DCT: variants seen among roughly 807,000 people sequenced by gnomAD.
DCT encodes the protein dopachrome tautomerase, also known as L-dopachrome tautomerase.
In DCT, 47 loss-of-function variants were observed where a neutral mutation model predicts 53.0. That is an observed-to-expected ratio of 0.89 (90% CI 0.70 to 1.13). The LOEUF (loss-of-function observed/expected upper bound fraction) is 1.13. Ranked by LOEUF, DCT falls within the 50% of genes most tolerant of loss-of-function variation. DCT has a pLI of 0.00. For synonymous variants in DCT, 244 were observed against 237.0 expected, an observed-to-expected ratio of 1.03 and a Z score of -0.27; for missense variants, 669 against 637.4, an observed-to-expected ratio of 1.05 and a Z score of -0.53.
intron 3 of DCT, 46 bp downstream of exon 3, chr13:94,466,512 A>T: frequency 7.8e-7 from 1 of 1,289,698 alleles, no homozygotes; most frequent in East Asian, 2.5e-5. Flanking sequence ...ATATACAATA[A>T]ATTTTTTAAA....
chr13:94,440,291 A>G (rs1310612728), intron 7 of DCT, among the ~76,000 whole-genome samples: 1 of 152,218 alleles, frequency 6.6e-6, no homozygotes, highest in African/African-American at 2.4e-5. Flanking sequence ...CATTACTTAA[A>G]TACAGCTTAT....
intron 1 of DCT, among the ~76,000 whole-genome samples, chr13:94,476,727 G>T (rs1221326999): frequency 6.6e-6 from 1 of 152,126 alleles, no homozygotes; most frequent in African/African-American, 2.4e-5. Context: ...CTCCCAAAGT[G>T]CTTGGCTCCC....
At chr13:94,489,540 C>T in the DCT span, among the ~76,000 whole-genome samples, 6 of 152,180 alleles carry the variant, frequency 3.9e-5, no homozygotes, top group African/African-American at 1.2e-4. Flanking sequence ...AGGTACTTAG[C>T]ACATTTTTAT....
At chr13:94,475,463 T>C (rs1369205380) in intron 1 of DCT, among the ~76,000 whole-genome samples, 1 of 152,182 alleles carries the variant, frequency 6.6e-6, no homozygotes, top group Non-Finnish European at 1.5e-5. Flanking sequence ...TATTCTTATA[T>C]GAGGCATCTA....
chr13:94,532,015 G>A, the DCT span, among the ~76,000 whole-genome samples: 2 of 152,276 alleles, frequency 1.3e-5, no homozygotes, highest in South Asian at 4.1e-4. Flanking sequence ...CATTTATGCA[G>A]CCAACAGACA....
In DCT at chr13:94,443,496, TAGTCACTGGAGGGA is replaced by T. The variant is rs1882493359; in HGVS notation, c.1307_1320del (p.Phe436Ter). ...TCTGAGGTTAAAAAGAGTTCTTCAT[TAGTCACTGGAGGGA>T]AGAAAGGAACCATGTTGTACATCCG... On this transcript the variant is annotated frameshift_variant, in exon 7 of 8. Transcript: ENST00000377028. LOFTEE classifies it high-confidence loss of function. The T allele has an allele frequency of 1.9e-6, 3 of 1,614,062 alleles. No individual in the cohort carries two copies. Among genetic ancestry groups the T allele is most frequent in the Non-Finnish European group, 2.5e-6 (3 of 1,179,954 alleles).
the DCT span, among the ~76,000 whole-genome samples, chr13:94,521,093 G>A: frequency 1.3e-5 from 2 of 152,190 alleles, no homozygotes; most frequent in African/African-American, 4.8e-5. Flanking sequence ...GTAATAGGAT[G>A]GAGGCTGTGG....
chr13:94,483,194 A>C (rs2139390734), upstream of DCT, among the ~76,000 whole-genome samples: 1 of 151,658 alleles, frequency 6.6e-6, no homozygotes, highest in African/African-American at 2.4e-5. Context: ...GGATTTCTTG[A>C]GTCCAGGAGG....
intron 4 of DCT, among the ~76,000 whole-genome samples, chr13:94,462,939 A>G (rs1368128098): frequency 6.6e-6 from 1 of 152,204 alleles, no homozygotes; most frequent in Admixed American, 6.5e-5. Flanking sequence ...TCAGAGTAAA[A>G]GCAGATGAAA....
At chr13:94,453,324 T>C (rs1883215513) in intron 6 of DCT, among the ~76,000 whole-genome samples, 3 of 151,972 alleles carry the variant, frequency 2.0e-5, no homozygotes, top group African/African-American at 7.3e-5. Context: ...CATATGAGAA[T>C]ATGAAAAGAA....
the DCT span, among the ~76,000 whole-genome samples, chr13:94,501,298 A>G: frequency 1.3e-5 from 2 of 152,100 alleles, no homozygotes; most frequent in Admixed American, 6.5e-5. Context: ...TTAATTAAAA[A>G]TAAATAAAAG....
chr13:94,457,860 G>C (rs1883511869), intron 6 of DCT, among the ~76,000 whole-genome samples: 5 of 152,146 alleles, frequency 3.3e-5, no homozygotes, highest in Admixed American at 2.6e-4. Context: ...ATGACAACTT[G>C]AGTGACCTGT....
Position 94,437,965 on chromosome 13 carries a change from T to C in DCT, c.*1933A>G, listed in dbSNP as rs1285579284. The stretch of plus-strand genomic sequence containing the variant: ...AACCAAGTCTTATGAGACTATGATA[T>C]ATGAGAATTCTGATATACCTGACAG... On this transcript the variant is annotated 3_prime_UTR_variant, in exon 8 of 8. Coordinates refer to ENST00000377028, the MANE Select transcript of DCT (RefSeq NM_001922.5). 6.6e-6 allele frequency: 1 copy of C among 152,328 alleles called. No homozygotes were observed. Among genetic ancestry groups the C allele is most frequent in the East Asian group, 1.9e-4 (1 of 5,190 alleles). The allele number at this position is 152,328 out of a possible 1,614,324, so 9.4% of individuals were successfully genotyped here. A position where few individuals can be genotyped will look rare whatever the true frequency, so the allele number is the denominator to read the frequency against.
chr13:94,484,018 C>T (rs554317493), upstream of DCT, among the ~76,000 whole-genome samples: 7 of 152,318 alleles, frequency 4.6e-5, no homozygotes, highest in East Asian at 1.9e-4. Flanking sequence ...GGCTAACTCA[C>T]GCTGCAGTTA....
At chr13:94,541,895 A>G in the DCT span, among the ~76,000 whole-genome samples, 1 of 152,210 alleles carries the variant, frequency 6.6e-6, no homozygotes, top group Non-Finnish European at 1.5e-5. Flanking sequence ...CACACGGGTC[A>G]TTGCAGCTGG....
intron 2 of DCT, 80 bp from the exon 3 acceptor site, chr13:94,466,738 A>T (rs1884251353): frequency 3.6e-6 from 3 of 825,002 alleles, no homozygotes; most frequent in Non-Finnish European, 5.6e-6. Flanking sequence ...CTGTATCTAT[A>T]GAGCCAATAA....
At chr13:94,482,573 T>C (rs1448004834), upstream of DCT, among the ~76,000 whole-genome samples, 2 of 152,226 alleles carry the variant, frequency 1.3e-5, no homozygotes, top group African/African-American at 4.8e-5. Flanking sequence ...GCTGAAAGAC[T>C]GTCTCATCTA....
At chr13:94,445,407 A>G (rs4773793) in intron 6 of DCT, among the ~76,000 whole-genome samples, 121,830 of 152,170 alleles carry the variant, frequency 0.8, 50,285 homozygotes, top group African/African-American at 0.93. Context: ...CATGCTGTGA[A>G]GAAGCCCAAA....
chr13:94,498,655 G>A, the DCT span, among the ~76,000 whole-genome samples: 3 of 152,230 alleles, frequency 2.0e-5, no homozygotes, highest in Non-Finnish European at 4.4e-5. Flanking sequence ...TGTTACAGCA[G>A]CCTGAACTAT....
Sources: gnomAD v4.1 joint callset for allele counts (sites outside exome capture counted in the v4.1 genomes callset) on GRCh38, gnomAD v4.1.1 for gene constraint, MANE v1.5 for transcripts, NCBI Gene and HGNC (gene_info 2026-07-23, HGNC 2026-07-21) for gene names.